Variants in ZHX2 observed in about 807,000 individuals in gnomAD.
ZHX2 encodes the protein zinc fingers and homeoboxes protein 2.
In ZHX2, 6 loss-of-function variants were observed where a neutral mutation model predicts 21.9. The ratio of observed to expected loss-of-function variants is 0.27; its 90% CI spans 0.15 to 0.54. The LOEUF (loss-of-function observed/expected upper bound fraction) is 0.54, where lower values mean the gene tolerates loss of function less well. Ranked by LOEUF, ZHX2 falls within the 20% of genes least tolerant of loss-of-function variation. The probability of loss-of-function intolerance (pLI) is 0.95; values close to 1 mark genes in which losing one functional copy is unlikely to be tolerated. For missense variants in ZHX2, 908 were observed against 1,090.7 expected (o/e 0.83, Z 2.36); for synonymous variants, 434 against 437.1 (o/e 0.99, Z 0.09).
At chr8:122,907,327 G>A (rs959603385) in intron 2 of ZHX2, among the ~76,000 whole-genome samples, 7 of 152,126 alleles carry the variant, frequency 4.6e-5, no homozygotes, top group East Asian at 1.9e-4. Context: ...CTAGAAAGGC[G>A]GGACATCTTG....
intron 1 of ZHX2, among the ~76,000 whole-genome samples, chr8:122,817,421 T>A (rs1818058961): frequency 6.6e-6 from 1 of 152,094 alleles, no homozygotes; most frequent in Non-Finnish European, 1.5e-5. Flanking sequence ...TTGGGGAGCT[T>A]ACCAGGCCAA....
At chr8:122,883,055 T>C (rs17289471) in intron 2 of ZHX2, among the ~76,000 whole-genome samples, 92,963 of 151,962 alleles carry the variant, frequency 0.61, 29,778 homozygotes, top group African/African-American at 0.8. Context: ...TCTCATTGCA[T>C]TTGGCCTGAT....
At chr8:122,851,178 G>T (rs1270945400) in intron 1 of ZHX2, among the ~76,000 whole-genome samples, 1 of 152,188 alleles carries the variant, frequency 6.6e-6, no homozygotes, top group Non-Finnish European at 1.5e-5. Context: ...GATCTATTTT[G>T]CAGACAGAAC....
At chr8:122,893,343 T>A (rs1337141974) in intron 2 of ZHX2, among the ~76,000 whole-genome samples, 6 of 152,212 alleles carry the variant, frequency 3.9e-5, no homozygotes, top group Non-Finnish European at 8.8e-5. Context: ...AATTCCTAGA[T>A]CTGGATGTCT....
At chr8:122,814,001 G>C (rs993285051) in intron 1 of ZHX2, among the ~76,000 whole-genome samples, 1 of 152,138 alleles carries the variant, frequency 6.6e-6, no homozygotes, top group Non-Finnish European at 1.5e-5. Flanking sequence ...AGATGAATTG[G>C]TGAAGCCTAA....
chr8:122,868,297 C>T (rs1449835904), intron 2 of ZHX2, among the ~76,000 whole-genome samples: 1 of 152,130 alleles, frequency 6.6e-6, no homozygotes, highest in African/African-American at 2.4e-5. Context: ...TGAAAATCTT[C>T]TTTCATCTTT....
Position 122,953,596 on chromosome 8 carries a change from C to T in ZHX2, c.2086C>T (p.His696Tyr), listed in dbSNP as rs371624131. 491 of 1,614,066 alleles carry T rather than the reference C, an allele frequency of 3.0e-4. No homozygotes were observed. The highest frequency in any genetic ancestry group is 4.0e-4 in the Non-Finnish European group (470 of 1,180,058). Reference protein sequence around the residue: ...GTVKWMEQYQHQPMADDHGYD... With the variant: ...GTVKWMEQYQYQPMADDHGYD... Reference sequence around the variant, plus strand: ...CGTGAAGTGGATGGAGCAGTACCAGCACCAGCCCATGGCAGATGATCACGG... The same window carrying T: ...CGTGAAGTGGATGGAGCAGTACCAGTACCAGCCCATGGCAGATGATCACGG... The change falls in exon 3 of 4, where the codon CAC becomes TAC. Residue 696 changes from histidine to tyrosine, a missense_variant. By Grantham distance (83) the His-to-Tyr change is moderately conservative (BLOSUM62 2). Around this residue, in one of 4 missense-constraint regions of ZHX2, gnomAD observed 431 missense variants for 428.6 expected, o/e 1.01. Transcript: ENST00000314393. This position sits in a 1 kb window ranked among gnomAD's most constrained non-coding sequence, Gnocchi z 4.6.
At chr8:122,833,475 G>C (rs1474591992) in intron 1 of ZHX2, among the ~76,000 whole-genome samples, 1 of 152,156 alleles carries the variant, frequency 6.6e-6, no homozygotes, top group African/African-American at 2.4e-5. Context: ...TTCTGTGACT[G>C]AAGGTGTGGA....
At chr8:122,872,447 T>C (rs1819464010) in intron 2 of ZHX2, among the ~76,000 whole-genome samples, 1 of 152,182 alleles carries the variant, frequency 6.6e-6, no homozygotes, top group Admixed American at 6.5e-5. Context: ...GAGGCTTCCT[T>C]TGCCTCTTCC....
intron 2 of ZHX2, among the ~76,000 whole-genome samples, chr8:122,888,215 A>G (rs1287483119): frequency 8.6e-5 from 13 of 152,034 alleles, no homozygotes; most frequent in Admixed American, 8.5e-4. Flanking sequence ...CAGAGTTCAG[A>G]GTCCAGAAAC....
intron 2 of ZHX2, among the ~76,000 whole-genome samples, chr8:122,904,054 C>A (rs1329938336): frequency 6.6e-6 from 1 of 152,112 alleles, no homozygotes; most frequent in Non-Finnish European, 1.5e-5. Flanking sequence ...GTGGTGAGTT[C>A]TCTGGGTTTT....
intron 1 of ZHX2, among the ~76,000 whole-genome samples, chr8:122,824,687 T>C (rs931141450): frequency 1.3e-5 from 2 of 152,182 alleles, no homozygotes; most frequent in Non-Finnish European, 2.9e-5. Context: ...GGTCTGATTG[T>C]CCTCCTGTAT....
chr8:122,867,790 A>G (rs542918663), intron 2 of ZHX2, among the ~76,000 whole-genome samples: 1 of 152,306 alleles, frequency 6.6e-6, no homozygotes, highest in South Asian at 2.1e-4. Flanking sequence ...AAGAAATGCT[A>G]TTTCTTTTCC....
intron 1 of ZHX2, among the ~76,000 whole-genome samples, chr8:122,806,913 G>C (rs562085526): frequency 6.6e-6 from 1 of 152,316 alleles, no homozygotes; most frequent in Admixed American, 6.5e-5. Context: ...CTGATGATAG[G>C]GGAAGGGGAG....
intron 2 of ZHX2, among the ~76,000 whole-genome samples, chr8:122,924,350 G>A (rs182259430): frequency 1.6e-4 from 25 of 152,216 alleles, no homozygotes; most frequent in African/African-American, 5.1e-4. Context: ...CTCTGCACCC[G>A]AGTTTCCCCT....
At chr8:122,922,847 A>T (rs1435932054) in intron 2 of ZHX2, among the ~76,000 whole-genome samples, 2 of 152,214 alleles carry the variant, frequency 1.3e-5, no homozygotes, top group Non-Finnish European at 2.9e-5. Context: ...CACCTAGCAG[A>T]GTGGCCAGCA....
intron 1 of ZHX2, among the ~76,000 whole-genome samples, chr8:122,826,946 C>T (rs1818276657): frequency 6.6e-6 from 1 of 152,152 alleles, no homozygotes. Context: ...TTAGGTTGAA[C>T]AGGGTTCCTA....
At chr8:122,879,724 C>T (rs573936404) in intron 2 of ZHX2, among the ~76,000 whole-genome samples, 13 of 152,176 alleles carry the variant, frequency 8.5e-5, no homozygotes, top group Non-Finnish European at 1.6e-4. Context: ...ACTCAGCCCT[C>T]GGGCCACGTT....
At chr8:122,944,603 TCTC>T (rs769837778) in intron 2 of ZHX2, among the ~76,000 whole-genome samples, 13 of 152,118 alleles carry the variant, frequency 8.5e-5, no homozygotes, top group Non-Finnish European at 1.6e-4. Context: ...CCTGCCTTAC[TCTC>T]CTCCATGGTG....
Sources: gnomAD v4.1 joint callset for allele counts (sites outside exome capture counted in the v4.1 genomes callset) on GRCh38, gnomAD v4.1.1 for gene constraint, gnomAD v4.1.1 regional missense constraint, Gnocchi (gnomAD v3.1) non-coding constraint, MANE v1.5 for transcripts, NCBI Gene and HGNC (gene_info 2026-07-23, HGNC 2026-07-21) for gene names.